GSTCD: variants seen among roughly 807,000 people sequenced by gnomAD.
GSTCD encodes glutathione S-transferase C-terminal domain containing.
GSTCD carries 44 observed loss-of-function variants against 68.3 expected under a neutral mutation model. That is an observed-to-expected ratio of 0.64 (90% CI 0.51 to 0.83). The LOEUF (loss-of-function observed/expected upper bound fraction) is 0.83, where lower values mean the gene tolerates loss of function less well. Ranked by LOEUF, GSTCD falls within the 40% of genes least tolerant of loss-of-function variation. GSTCD has a pLI of 0.00. For synonymous variants in GSTCD, 273 were observed against 255.2 expected, an observed-to-expected ratio of 1.07 and a Z score of -0.67; for missense variants, 739 against 735.9, an observed-to-expected ratio of 1.00 and a Z score of -0.05.
intron 5 of GSTCD, among the ~76,000 whole-genome samples, chr4:105,741,520 C>T (rs907647239): frequency 6.6e-6 from 1 of 152,070 alleles, no homozygotes; most frequent in Non-Finnish European, 1.5e-5. Flanking sequence ...TTATGTTTAT[C>T]AAGAAATGAA....
chr4:105,722,639 C>T (rs979180583), intron 3 of GSTCD, among the ~76,000 whole-genome samples: 11 of 151,978 alleles, frequency 7.2e-5, no homozygotes, highest in Non-Finnish European at 1.3e-4. Flanking sequence ...ATAGATGCAA[C>T]ATCTTGCTTC....
In GSTCD at chr4:105,834,563, C is replaced by CAG. The variant is rs754549958; in HGVS notation, c.1635_1636dup (p.Asn546ArgfsTer24). The CAG allele has an allele frequency of 1.9e-6, 3 of 1,614,046 alleles. No individual in the cohort carries two copies. The highest frequency in any genetic ancestry group is 2.5e-6 in the Non-Finnish European group (3 of 1,179,960). On this transcript the variant is annotated frameshift_variant, in exon 9 of 12. Transcript: ENST00000515279. LOFTEE classifies it high-confidence loss of function. ...ATGCCCTTGCTGTTATGGTTTCATT[C>CAG]AGAACACCTCAAAGTTCAATTTTCC... is the stretch of plus-strand genomic sequence containing the variant.
intron 1 of GSTCD, among the ~76,000 whole-genome samples, chr4:105,713,402 C>G (rs988047241): frequency 5.5e-4 from 84 of 152,166 alleles, no homozygotes; most frequent in African/African-American, 1.9e-3. Flanking sequence ...ATTACTGAAA[C>G]CAGCATACTT....
At chr4:105,803,555 A>G (rs1199807421) in intron 5 of GSTCD, among the ~76,000 whole-genome samples, 1 of 152,046 alleles carries the variant, frequency 6.6e-6, no homozygotes, top group Non-Finnish European at 1.5e-5. Context: ...GCTAGGAAAC[A>G]TGTAACTGAC....
At chr4:105,822,363 A>G (rs1314518453) in intron 5 of GSTCD, among the ~76,000 whole-genome samples, 1 of 152,110 alleles carries the variant, frequency 6.6e-6, no homozygotes, top group African/African-American at 2.4e-5. Flanking sequence ...CCCTAAATAC[A>G]GTAACCATTG....
intron 5 of GSTCD, among the ~76,000 whole-genome samples, chr4:105,740,746 T>C (rs1733605922): frequency 2.0e-5 from 3 of 152,142 alleles, no homozygotes; most frequent in African/African-American, 7.2e-5. Flanking sequence ...TGCTTTCAGG[T>C]AGTGATTTTT....
chr4:105,762,285 A>T (rs1169368517), intron 5 of GSTCD, among the ~76,000 whole-genome samples: 3 of 152,310 alleles, frequency 2.0e-5, no homozygotes, highest in African/African-American at 7.2e-5. Context: ...CTAAATGAAT[A>T]TATTCTAACT....
chr4:105,802,473 T>C (rs773409457), intron 5 of GSTCD, among the ~76,000 whole-genome samples: 2 of 152,132 alleles, frequency 1.3e-5, no homozygotes, highest in Admixed American at 1.3e-4. Flanking sequence ...TAGAATCTTT[T>C]TGTTTGTTAT....
At chr4:105,729,543 C>A (rs1306512484) in intron 5 of GSTCD, 44 bp downstream of exon 5, 1 of 1,287,430 alleles carries the variant, frequency 7.8e-7, no homozygotes. Context: ...ACTTTGGATA[C>A]TGTCTTCAGA....
At chr4:105,711,809 T>C (rs1190092398) in intron 1 of GSTCD, among the ~76,000 whole-genome samples, 1 of 152,234 alleles carries the variant, frequency 6.6e-6, no homozygotes, top group Non-Finnish European at 1.5e-5. Context: ...GTTTTATAAA[T>C]ATTCTTGCTA....
intron 4 of GSTCD, among the ~76,000 whole-genome samples, chr4:105,727,088 C>CTTTTT (rs5860809): frequency 2.2e-5 from 3 of 138,080 alleles, no homozygotes; most frequent in Admixed American, 7.3e-5. Context: ...TTTCTCAAAA[C>CTTTTT]TTTTTTTTTT....
chr4:105,731,490 A>G (rs915635642), intron 5 of GSTCD, among the ~76,000 whole-genome samples: 26 of 152,250 alleles, frequency 1.7e-4, no homozygotes, highest in African/African-American at 4.8e-4. Context: ...TCTCTTTGAA[A>G]CAATTGTGAA....
At chr4:105,833,612 G>T (rs1403711170) in intron 8 of GSTCD, among the ~76,000 whole-genome samples, 1 of 151,966 alleles carries the variant, frequency 6.6e-6, no homozygotes, top group Non-Finnish European at 1.5e-5. Flanking sequence ...GGTTTTTTTG[G>T]TGTTTTTTGT....
intron 5 of GSTCD, among the ~76,000 whole-genome samples, chr4:105,755,051 T>G (rs780648257): frequency 4.3e-5 from 4 of 92,420 alleles, no homozygotes; most frequent in Non-Finnish European, 5.7e-5. Flanking sequence ...GAGACCTCAT[T>G]TCTCCAAAAA....
At chr4:105,840,451 C>A in intron 10 of GSTCD, 1 of 223,132 alleles carries the variant, frequency 4.5e-6, no homozygotes, top group Non-Finnish European at 9.3e-6. Context: ...ACAAAGATAT[C>A]CCTTTTAAAA....
chr4:105,749,392 G>GA (rs1014042606), intron 5 of GSTCD, among the ~76,000 whole-genome samples: 1 of 151,174 alleles, frequency 6.6e-6, no homozygotes. Context: ...ATTTTATATG[G>GA]AAAAAAAAAT....
At chr4:105,716,600 G>C (rs921629615) in intron 1 of GSTCD, among the ~76,000 whole-genome samples, 4 of 152,174 alleles carry the variant, frequency 2.6e-5, no homozygotes, top group Admixed American at 2.0e-4. Context: ...ACGCAGGAGG[G>C]ATCTAGGTTG....
chr4:105,732,583 T>C (rs1245222925), intron 5 of GSTCD, among the ~76,000 whole-genome samples: 3 of 152,174 alleles, frequency 2.0e-5, no homozygotes, highest in African/African-American at 7.2e-5. Flanking sequence ...TTCTCTCTTG[T>C]CTTCTTTATT....
intron 1 of GSTCD, among the ~76,000 whole-genome samples, chr4:105,716,519 C>T (rs1297487414): frequency 6.6e-6 from 1 of 152,200 alleles, no homozygotes; most frequent in Non-Finnish European, 1.5e-5. Flanking sequence ...AGCATTACTG[C>T]CTGAATGGCG....
Sources: allele counts gnomAD v4.1 joint callset (sites outside exome capture counted in the v4.1 genomes callset), GRCh38; gene constraint gnomAD v4.1.1; transcripts MANE v1.5; gene names NCBI Gene and HGNC (gene_info 2026-07-23, HGNC 2026-07-21).